The following PPARGC1B variants were observed in gnomAD, a reference collection of about 807,000 sequenced individuals.
PPARGC1B encodes PPARG coactivator 1 beta.
A neutral mutation model predicts 101.6 loss-of-function variants in PPARGC1B; 34 were observed. The ratio of observed to expected loss-of-function variants is 0.33; its 90% CI spans 0.25 to 0.45. The LOEUF (loss-of-function observed/expected upper bound fraction) is 0.45, where lower values mean the gene tolerates loss of function less well. PPARGC1B is among the 20% of genes least tolerant of loss of function. PPARGC1B has a pLI of 1.00. For missense variants in PPARGC1B, 1,234 were observed against 1,317.6 expected (o/e 0.94, Z 0.98); for synonymous variants, 548 against 539.3 (o/e 1.02, Z -0.22).
intron 1 of PPARGC1B, among the ~76,000 whole-genome samples, chr5:149,817,971 A>G (rs554429127): frequency 4.6e-5 from 7 of 152,380 alleles, no homozygotes; most frequent in African/African-American, 1.7e-4. Context: ...CCAATTATCC[A>G]TGTAGAACAG....
chr5:149,733,169 C>G (rs533989475), intron 1 of PPARGC1B, among the ~76,000 whole-genome samples: 1 of 152,268 alleles, frequency 6.6e-6, no homozygotes, highest in East Asian at 1.9e-4. Context: ...TGTCTTTGTC[C>G]CAAAAGATTG....
intron 1 of PPARGC1B, among the ~76,000 whole-genome samples, chr5:149,811,441 T>C (rs1056760154): frequency 9.9e-5 from 15 of 152,264 alleles, no homozygotes. Context: ...ATCTCGTCTT[T>C]TGTACTCATA....
chr5:149,750,784 T>C (rs1271655969), intron 1 of PPARGC1B, among the ~76,000 whole-genome samples: 1 of 152,178 alleles, frequency 6.6e-6, no homozygotes, highest in Non-Finnish European at 1.5e-5. Context: ...AGCTGCTGGA[T>C]TTTGCAGCCG....
chr5:149,792,246 C>T (rs28612383), intron 1 of PPARGC1B, among the ~76,000 whole-genome samples: 3,357 of 152,234 alleles, frequency 0.022, 120 homozygotes, highest in African/African-American at 0.072. Context: ...GATAGTCCCT[C>T]GGGAGCCAGC....
intron 1 of PPARGC1B, among the ~76,000 whole-genome samples, chr5:149,765,860 C>CAAAAA (rs10712476): frequency 1.1e-5 from 1 of 88,834 alleles, no homozygotes. Flanking sequence ...GACTCCGTCT[C>CAAAAA]AAAAAAAAAA....
Position 149,836,379 on chromosome 5 carries a change from C to G in PPARGC1B, c.1924C>G (p.Leu642Val), listed in dbSNP as rs1759077137. The G allele has an allele frequency of 3.1e-6, 5 of 1,614,110 alleles. No homozygotes were observed. Among genetic ancestry groups the G allele is most frequent in the Non-Finnish European group, 4.2e-6 (5 of 1,180,004 alleles). The stretch of plus-strand genomic sequence containing the variant: ...TCTCAGCCTCCCCTCCCCTGAGGGC[C>G]TCTCACTCAAGGCCACCCCAGGGGC... Reference protein sequence around the residue: ...IALSLPSPEGLSLKATPGAAH... With the variant: ...IALSLPSPEGVSLKATPGAAH... Residue 642 changes from leucine to valine, a missense_variant, in exon 8 of 12, where the codon CTC (leucine) becomes GTC (valine). Around this residue, in one of 3 missense-constraint regions of PPARGC1B, gnomAD observed 497 missense variants for 529.5 expected, o/e 0.94. Coordinates refer to ENST00000309241, the MANE Select transcript of PPARGC1B (RefSeq NM_133263.4).
chr5:149,749,545 C>G (rs1287542241), intron 1 of PPARGC1B, among the ~76,000 whole-genome samples: 1 of 152,198 alleles, frequency 6.6e-6, no homozygotes, highest in Non-Finnish European at 1.5e-5. Flanking sequence ...TGCCACATCT[C>G]GCCATTGTAT....
chr5:149,802,922 A>G (rs1288782633), intron 1 of PPARGC1B, among the ~76,000 whole-genome samples: 1 of 152,186 alleles, frequency 6.6e-6, no homozygotes, highest in Non-Finnish European at 1.5e-5. Flanking sequence ...CATGAGTAGC[A>G]TAGGGAGGAG....
At chr5:149,827,254 C>T (rs1758569022) in intron 3 of PPARGC1B, among the ~76,000 whole-genome samples, 1 of 152,346 alleles carries the variant, frequency 6.6e-6, no homozygotes, top group African/African-American at 2.4e-5. Context: ...ACCTCCTTAG[C>T]CCTCTCTCTG....
At chr5:149,830,905 A>C (rs371080587) in intron 4 of PPARGC1B, 22 bp downstream of exon 4, 2 of 1,521,182 alleles carry the variant, frequency 1.3e-6, no homozygotes, top group Non-Finnish European at 1.8e-6. Flanking sequence ...CATGCCCCCA[A>C]ATCTACCCCA....
chr5:149,836,504 T>C lies in PPARGC1B; in HGVS notation c.2049T>C (p.Arg683=). 6.2e-7 allele frequency: 1 copy of C among 1,614,022 alleles called. No homozygotes were observed. Among genetic ancestry groups the C allele is most frequent in the Non-Finnish European group, 8.5e-7 (1 of 1,180,024 alleles). The part of the protein sequence containing the change: ...AQPASQAGQK[R]PFSCSFGDHD... Reference sequence around the variant, plus strand: ...CAGCCTCCCAGGCTGGCCAGAAGCGTCCCTTCTCCTGTTCCTTTGGAGACC... The same window carrying C: ...CAGCCTCCCAGGCTGGCCAGAAGCGCCCCTTCTCCTGTTCCTTTGGAGACC... The change falls in exon 8 of 12, where the codon CGT becomes CGC. Residue 683 remains arginine, a synonymous_variant. Coordinates refer to ENST00000309241, the MANE Select transcript of PPARGC1B (RefSeq NM_133263.4).
At chr5:149,807,751 G>C (rs1203886074) in intron 1 of PPARGC1B, among the ~76,000 whole-genome samples, 1 of 152,126 alleles carries the variant, frequency 6.6e-6, no homozygotes, top group Non-Finnish European at 1.5e-5. Flanking sequence ...TACCTCATGA[G>C]GGCTGGAGCA....
Position 149,837,187 on chromosome 5 carries a change from G to C in PPARGC1B, c.2618+114G>C. The C allele has an allele frequency of 2.1e-6, 3 of 1,451,768 alleles. No homozygotes were observed. In the East Asian group the frequency reaches 7.0e-5, roughly 34 times the overall value. 89.9% of individuals were successfully genotyped at this position (1,451,768 alleles called of 1,614,324 possible). On this transcript the variant is annotated intron_variant, in intron 8 of 11. Coordinates refer to ENST00000309241, the MANE Select transcript of PPARGC1B (RefSeq NM_133263.4). The surrounding 1 kb of genome is among the most constrained non-coding windows in gnomAD (Gnocchi z 4.2). ...GGAAGCTTGCTCTGAAACTGAGGCT[G>C]CATCTCCCAGTGTGGCCCATGTCTT...
At chr5:149,777,275 C>T (rs1375546522) in intron 1 of PPARGC1B, among the ~76,000 whole-genome samples, 1 of 152,206 alleles carries the variant, frequency 6.6e-6, no homozygotes, top group Non-Finnish European at 1.5e-5. Flanking sequence ...GCTCACCACA[C>T]ATGCTCTGCC....
rs1299046994 is a variant in PPARGC1B, at chr5:149,768,172, G to A, written c.78+37752G>A. On this transcript the variant is annotated intron_variant, in intron 1 of 11. Coordinates refer to ENST00000309241, the MANE Select transcript of PPARGC1B (RefSeq NM_133263.4). ...TTTTCAGTGCTTTGTGGCAGTCTCC[G>A]GATATTCCGCCTTGATTTTAATCCA... 2.6e-5 allele frequency among the ~76,000 whole-genome samples: 4 copies of A among 152,168 alleles called. No individual in the cohort carries two copies. In the East Asian group the frequency reaches 5.8e-4, roughly 22 times the overall value.
rs1219646323 is a variant in PPARGC1B at position 149,778,063 on chromosome 5, TCACA to T, written c.79-42325_79-42322del. Among the ~76,000 whole-genome samples the T allele has an allele frequency of 8.8e-3, 105 of 11,888 alleles. 2 individuals are homozygous for T. The highest frequency in any genetic ancestry group is 0.013 in the Admixed American group (9 of 680). The allele number at this position is 11,888 out of a possible 152,430, so 7.8% of individuals were successfully genotyped here. On this transcript the variant is annotated intron_variant, in intron 1 of 11. Transcript: ENST00000309241. ...CTGCTTATATCCATGTAGCAGCATC[TCACA>T]CACACACACACACACACACACACAC...
rs1204308162 is a variant in PPARGC1B at position 149,826,867 on chromosome 5, G to C, written c.447G>C (p.Glu149Asp). ...APEKPSAPAP[E>D]VDELSLLQKL... ...AGAAGCCCTCGGCCCCAGCCCCTGA[G>C]GTGGACGAGCTCTCACTGGTAAGAA... Residue 149 changes from glutamate (E) to aspartate (D), a missense_variant, in exon 3 of 12, where the codon GAG (glutamate) becomes GAC (aspartate). Around this residue, in one of 3 missense-constraint regions of PPARGC1B, gnomAD observed 734 missense variants for 768.4 expected, o/e 0.96. Coordinates refer to ENST00000309241, the MANE Select transcript of PPARGC1B (RefSeq NM_133263.4). 6.2e-7 allele frequency: 1 copy of C among 1,612,074 alleles called. No homozygotes were observed. Among genetic ancestry groups the C allele is most frequent in the East Asian group, 2.2e-5 (1 of 44,854 alleles).
chr5:149,743,609 T>G (rs892465185), intron 1 of PPARGC1B, among the ~76,000 whole-genome samples: 32 of 152,182 alleles, frequency 2.1e-4, no homozygotes, highest in African/African-American at 7.5e-4. Context: ...ACAAATGCTG[T>G]TCGATCTTTC....
At chr5:149,836,180 G>C (rs1325120354) in intron 7 of PPARGC1B, 83 bp from the exon 8 acceptor site, 2 of 1,221,664 alleles carry the variant, frequency 1.6e-6, no homozygotes, top group African/African-American at 1.5e-5. Context: ...TGAGCTACCA[G>C]GCTTGGCCCC....
Sources: allele counts gnomAD v4.1 joint callset (sites outside exome capture counted in the v4.1 genomes callset), GRCh38; gene constraint gnomAD v4.1.1; regional missense constraint gnomAD v4.1.1; non-coding constraint Gnocchi (gnomAD v3.1); transcripts MANE v1.5; gene names NCBI Gene and HGNC (gene_info 2026-07-23, HGNC 2026-07-21).